Variants in PABPC1L observed in about 807,000 individuals in gnomAD.
PABPC1L encodes the protein polyadenylate-binding protein 1-like.
Under a neutral mutation model 66.6 loss-of-function variants are expected in PABPC1L, and 31 were observed. The ratio of observed to expected loss-of-function variants is 0.47; its 90% confidence interval spans 0.35 to 0.63. The LOEUF is 0.63. Ranked by LOEUF, PABPC1L falls within the 20% of genes least tolerant of loss-of-function variation. The pLI, the probability that PABPC1L is intolerant of heterozygous loss-of-function variation, is 0.00. For missense variants in PABPC1L, 722 were observed against 848.8 expected (o/e 0.85, Z 1.86); for synonymous variants, 348 against 335.1 (o/e 1.04, Z -0.42).
At chr20:44,919,413 G>A in intron 5 of PABPC1L, 136 bp downstream of exon 5, 1 of 919,416 alleles carries the variant, frequency 1.1e-6, no homozygotes, top group South Asian at 1.6e-5. Context: ...CCTGTGTGCA[G>A]GCAAAGCCCT....
At chr20:44,918,876 C>T (rs1312632960) in intron 3 of PABPC1L, 30 bp from the exon 4 acceptor site, 4 of 1,541,584 alleles carry the variant, frequency 2.6e-6, no homozygotes, top group South Asian at 2.5e-5. Flanking sequence ...TAGCTGTCCA[C>T]AGCCATGAGC....
rs2066792335 is a variant in PABPC1L at position 44,924,129 on chromosome 20, G to C, written c.877-32G>C. The C allele has an allele frequency of 1.9e-6, 3 of 1,559,422 alleles. No homozygotes were observed. In the South Asian group the frequency reaches 3.3e-5, roughly 17 times the overall value. ...AAGGCAGTTGGGGCTTGGAGGAGAA[G>C]GGGACATCCAGCAGTTTCCCTTCCA... On this transcript the variant is annotated intron_variant, in intron 6 of 14. Transcript: ENST00000217073.
At chr20:44,928,851 T>G in intron 7 of PABPC1L, among the ~76,000 whole-genome samples, 1 of 104,690 alleles carries the variant, frequency 9.6e-6, no homozygotes, top group African/African-American at 4.1e-5. Flanking sequence ...AGTGACAGAG[T>G]GAGATCCTGA....
In PABPC1L at chr20:44,938,622, G is replaced by A. The variant is rs2066919858; in HGVS notation, c.1792-52G>A. 4 of 1,558,528 alleles carry A rather than the reference G, an allele frequency of 2.6e-6. No individual in the cohort carries two copies. The South Asian group carries it at 3.5e-5, about 14-fold the overall frequency. Reference sequence around the variant, plus strand: ...GCGAGGGGGAGATCAAGGCTCTTCTGTGACCTGCTAAGATAGCTGCACTAA... The same window carrying A: ...GCGAGGGGGAGATCAAGGCTCTTCTATGACCTGCTAAGATAGCTGCACTAA... On this transcript the variant is annotated intron_variant, in intron 13 of 14. Transcript: ENST00000217073.
intron 6 of PABPC1L, among the ~76,000 whole-genome samples, chr20:44,922,992 G>A (rs762761860): frequency 5.3e-5 from 8 of 152,326 alleles, no homozygotes; most frequent in African/African-American, 1.2e-4. Context: ...TACATACAGC[G>A]TGTCCAGGGG....
At chr20:44,935,173 T>A (rs148088888) in intron 10 of PABPC1L, among the ~76,000 whole-genome samples, 2 of 151,742 alleles carry the variant, frequency 1.3e-5, no homozygotes, top group Non-Finnish European at 2.9e-5. Flanking sequence ...ATGGATGATA[T>A]GGTAATTCTG....
In PABPC1L at chr20:44,938,651, C is replaced by CT; in HGVS notation, c.1792-23_1792-22insT. The CT allele has an allele frequency of 2.5e-6, 4 of 1,590,140 alleles. No individual in the cohort carries two copies. The South Asian group carries it at 4.6e-5, about 18-fold the overall frequency. ...CCTGCTAAGATAGCTGCACTAAGCC[C>CT]CCCCGCCACTCATGTCTCACAGATA... On this transcript the variant is annotated intron_variant, in intron 13 of 14. Transcript: ENST00000217073.
intron 12 of PABPC1L, chr20:44,937,130 A>G: frequency 2.6e-6 from 1 of 389,176 alleles, no homozygotes; most frequent in Non-Finnish European, 5.1e-6. Context: ...ACCAGTTTCC[A>G]GTGCTCAATG....
rs374207455 is a variant in PABPC1L at position 44,936,624 on chromosome 20, C to T, written c.1567-13C>T. The T allele has an allele frequency of 3.9e-5, 61 of 1,572,182 alleles. No homozygotes were observed. The African/African-American group carries it at 4.3e-4, about 11-fold the overall frequency. ...CCATGGTGATTAAGGGATGTGTCCC[C>T]GGCACCATGCAGGTCCAGGAGCCGG... On this transcript the variant is annotated splice_polypyrimidine_tract_variant and intron_variant, in intron 11 of 14. Transcript: ENST00000217073.
At chr20:44,917,334 A>G (rs1262646008) in intron 3 of PABPC1L, among the ~76,000 whole-genome samples, 1 of 149,578 alleles carries the variant, frequency 6.7e-6, no homozygotes, top group Non-Finnish European at 1.5e-5. Context: ...AGGTGACCAC[A>G]TGCCACCATA....
In PABPC1L at chr20:44,910,482, G is replaced by A. The variant is rs73294352; in HGVS notation, c.193+146G>A. 3.4e-3 allele frequency: 3,224 copies of A among 943,460 alleles called. 65 individuals are homozygous for A. In the African/African-American group the frequency reaches 0.044, roughly 13 times the overall value. The allele number at this position is 943,460 out of a possible 1,614,324, so 58.4% of individuals were successfully genotyped here. On this transcript the variant is annotated intron_variant, in intron 1 of 14. Coordinates refer to ENST00000217073, the MANE Select transcript of PABPC1L (RefSeq NM_001372179.1). ...TCAAAGATAACAGGGCGTTGGCAGA[G>A]GCCTGGCCCCTGAGACGGGAATTGG...
intron 14 of PABPC1L, 131 bp from the exon 15 acceptor site, chr20:44,938,995 G>C (rs564799041): frequency 3.0e-6 from 2 of 677,876 alleles, no homozygotes; most frequent in African/African-American, 3.5e-5. Context: ...AATAGTTTGG[G>C]CTTTCCCAGG....
At chr20:44,919,313 G>A (rs1338219645) in intron 5 of PABPC1L, 36 bp downstream of exon 5, 23 of 1,607,038 alleles carry the variant, frequency 1.4e-5, no homozygotes, top group Non-Finnish European at 1.5e-5. Flanking sequence ...CTGCAGCAGG[G>A]GGACCGAGCT....
chr20:44,936,573 G>C (rs2066901938), intron 11 of PABPC1L, 64 bp from the exon 12 acceptor site: 1 of 1,364,192 alleles, frequency 7.3e-7, no homozygotes, highest in East Asian at 2.5e-5. Context: ...CACTTGCCAG[G>C]GTAAGTATTT....
intron 7 of PABPC1L, among the ~76,000 whole-genome samples, chr20:44,930,094 G>A (rs144691880): frequency 1.5e-3 from 234 of 152,208 alleles, no homozygotes; most frequent in Non-Finnish European, 2.6e-3. Context: ...CTCCCGCATC[G>A]GGAGGTTGTA....
intron 7 of PABPC1L, among the ~76,000 whole-genome samples, chr20:44,928,995 A>G (rs2066831448): frequency 6.6e-6 from 1 of 151,856 alleles, no homozygotes; most frequent in Admixed American, 6.6e-5. Context: ...ACCCAGGGCC[A>G]GGTGTGGTGG....
At chr20:44,911,502 C>G (rs548488061) in intron 1 of PABPC1L, among the ~76,000 whole-genome samples, 68 of 152,202 alleles carry the variant, frequency 4.5e-4, no homozygotes, top group African/African-American at 1.6e-3. Flanking sequence ...GAAACAACAA[C>G]GAAAATAGTG....
Position 44,939,223 on chromosome 20 carries a change from G to A in PABPC1L, c.*104G>A, listed in dbSNP as rs1188347809. On this transcript the variant is annotated 3_prime_UTR_variant, in exon 15 of 15. Coordinates refer to ENST00000217073, the MANE Select transcript of PABPC1L (RefSeq NM_001372179.1). ...CTCTAACTTATTTCCCAATTAGTCT[G>A]TATCTATACTTGGGCTCTGTATGTG... The A allele has an allele frequency of 1.4e-6, 1 of 717,762 alleles. No homozygotes were observed. The highest frequency in any genetic ancestry group is 2.6e-6 in the Non-Finnish European group (1 of 385,136). 44.5% of individuals were successfully genotyped at this position (717,762 alleles called of 1,614,324 possible).
In PABPC1L at chr20:44,910,078, G is replaced by T; in HGVS notation, c.-66G>T. The T allele has an allele frequency of 7.2e-7, 1 of 1,394,268 alleles. No homozygotes were observed. Among genetic ancestry groups the T allele is most frequent in the Non-Finnish European group, 9.7e-7 (1 of 1,034,436 alleles). The allele number at this position is 1,394,268 out of a possible 1,614,324, so 86.4% of individuals were successfully genotyped here. A position where few individuals can be genotyped will look rare whatever the true frequency, so the allele number is the denominator to read the frequency against. ...GCCCAGGAAGGAGGGCTTCCGCCCGGGTGAGCGCGGGGCTGCTGGGTGACC... is the reference window on the plus strand; with the variant it reads ...GCCCAGGAAGGAGGGCTTCCGCCCGTGTGAGCGCGGGGCTGCTGGGTGACC... On this transcript the variant is annotated 5_prime_UTR_variant, in exon 1 of 15. Transcript: ENST00000217073.
Sources: allele counts gnomAD v4.1 joint callset (sites outside exome capture counted in the v4.1 genomes callset), GRCh38; gene constraint gnomAD v4.1.1; transcripts MANE v1.5; gene names NCBI Gene and HGNC (gene_info 2026-07-23, HGNC 2026-07-21).